ST6GALNAC3: variants seen among roughly 807,000 people sequenced by gnomAD.
ST6GALNAC3 encodes alpha-N-acetylgalactosaminide alpha-2,6-sialyltransferase 3.
Under a neutral mutation model 32.7 loss-of-function variants are expected in ST6GALNAC3, and 25 were observed. That is an observed-to-expected ratio of 0.76 (90% CI 0.56 to 1.07). The LOEUF (loss-of-function observed/expected upper bound fraction) is 1.07, where lower values mean the gene tolerates loss of function less well. ST6GALNAC3 is among the 50% of genes least tolerant of loss of function. The probability of loss-of-function intolerance (pLI) is 0.00; values close to 1 mark genes in which losing one functional copy is unlikely to be tolerated. For synonymous variants in ST6GALNAC3, 129 were observed against 133.1 expected (o/e 0.97, Z 0.21); for missense variants, 355 against 382.4 (o/e 0.93, Z 0.60).
Position 76,467,114 on chromosome 1 carries a change from C to A in ST6GALNAC3, c.623+54697C>A, listed in dbSNP as rs1005388160. ...CTAATTTACAAAAAAAGAAAAGAAA[C>A]CAAATAAATGAACAAAAGAGAGAGA... On this transcript the variant is annotated intron_variant, in intron 3 of 4. Transcript: ENST00000328299. 3.3e-5 allele frequency among the ~76,000 whole-genome samples: 5 copies of A among 152,032 alleles called. No individual in the cohort carries two copies. The East Asian group carries it at 5.8e-4, about 18-fold the overall frequency.
intron 3 of ST6GALNAC3, among the ~76,000 whole-genome samples, chr1:76,474,998 G>A (rs1227974377): frequency 6.6e-6 from 1 of 152,100 alleles, no homozygotes; most frequent in Non-Finnish European, 1.5e-5. Flanking sequence ...AAATCACAAT[G>A]GAAGGATAAG....
At chr1:76,532,150 T>C (rs1315357097) in intron 3 of ST6GALNAC3, among the ~76,000 whole-genome samples, 1 of 152,186 alleles carries the variant, frequency 6.6e-6, no homozygotes, top group Admixed American at 6.5e-5. Context: ...GTTGGTGCTC[T>C]GGTGAGAAAC....
intron 3 of ST6GALNAC3, among the ~76,000 whole-genome samples, chr1:76,469,711 A>G (rs7547235): frequency 0.17 from 26,495 of 152,018 alleles, 2,477 homozygotes; most frequent in African/African-American, 0.23. Flanking sequence ...AGAGCAGCCA[A>G]AGTCTTGGCA....
At chr1:76,355,240 C>G (rs767169656) in intron 2 of ST6GALNAC3, among the ~76,000 whole-genome samples, 2 of 152,010 alleles carry the variant, frequency 1.3e-5, no homozygotes, top group Non-Finnish European at 2.9e-5. Flanking sequence ...AATGAGCAGT[C>G]TTTTAAAGAA....
At chr1:76,394,880 T>A (rs1189292031) in intron 2 of ST6GALNAC3, among the ~76,000 whole-genome samples, 1 of 152,176 alleles carries the variant, frequency 6.6e-6, no homozygotes, top group Admixed American at 6.5e-5. Flanking sequence ...AGGACAAGAT[T>A]CCAAGGCTCA....
At chr1:76,185,835 T>C (rs963714891) in intron 1 of ST6GALNAC3, among the ~76,000 whole-genome samples, 4 of 152,354 alleles carry the variant, frequency 2.6e-5, no homozygotes, top group East Asian at 3.9e-4. Flanking sequence ...AATATATGTC[T>C]GTACTGAATA....
intron 1 of ST6GALNAC3, among the ~76,000 whole-genome samples, chr1:76,294,961 G>A (rs1660307653): frequency 6.6e-6 from 1 of 152,098 alleles, no homozygotes; most frequent in African/African-American, 2.4e-5. Context: ...GTTAACAGCT[G>A]AGCAGGGTAG....
intron 1 of ST6GALNAC3, among the ~76,000 whole-genome samples, chr1:76,221,533 C>A (rs768496383): frequency 2.0e-5 from 3 of 152,126 alleles, no homozygotes; most frequent in African/African-American, 4.8e-5. Flanking sequence ...TTCATAGCTC[C>A]CCTTCCCCAG....
At chr1:76,489,728 G>C (rs990598839) in intron 3 of ST6GALNAC3, among the ~76,000 whole-genome samples, 8 of 152,130 alleles carry the variant, frequency 5.3e-5, no homozygotes, top group African/African-American at 1.7e-4. Flanking sequence ...CCCTCTCCAT[G>C]CTGACCTCTT....
At chr1:76,477,669 C>G (rs1254894509) in intron 3 of ST6GALNAC3, among the ~76,000 whole-genome samples, 3 of 152,176 alleles carry the variant, frequency 2.0e-5, no homozygotes, top group African/African-American at 7.2e-5. Context: ...CTGCCTCTCC[C>G]TGCATTCTTG....
intron 1 of ST6GALNAC3, among the ~76,000 whole-genome samples, chr1:76,173,803 T>G (rs1440404700): frequency 2.6e-5 from 4 of 152,104 alleles, no homozygotes; most frequent in Admixed American, 6.5e-5. Flanking sequence ...CTCATGCCAG[T>G]CAGAATGGCT....
chr1:76,538,125 A>C (rs748245541), intron 3 of ST6GALNAC3, among the ~76,000 whole-genome samples: 1 of 152,188 alleles, frequency 6.6e-6, no homozygotes, highest in Non-Finnish European at 1.5e-5. Context: ...CCTCAATAAA[A>C]TACTGGCAAA....
At chr1:76,236,365 A>T (rs760145798) in intron 1 of ST6GALNAC3, among the ~76,000 whole-genome samples, 1 of 152,208 alleles carries the variant, frequency 6.6e-6, no homozygotes, top group Non-Finnish European at 1.5e-5. Flanking sequence ...ATACAATTCA[A>T]CCCATGACAC....
chr1:76,321,803 C>A (rs1646972719), intron 2 of ST6GALNAC3, among the ~76,000 whole-genome samples: 1 of 152,226 alleles, frequency 6.6e-6, no homozygotes, highest in African/African-American at 2.4e-5. Context: ...CTGGACAAGA[C>A]TGACTACTAC....
intron 3 of ST6GALNAC3, among the ~76,000 whole-genome samples, chr1:76,469,708 C>T (rs954572855): frequency 6.6e-6 from 1 of 152,026 alleles, no homozygotes; most frequent in Non-Finnish European, 1.5e-5. Context: ...TTCAGAGCAG[C>T]CAAAGTCTTG....
rs546353839 is a variant in ST6GALNAC3 at position 76,337,647 on chromosome 1, C to A, written c.213+23648C>A. Among the ~76,000 whole-genome samples, 4 of 152,218 alleles carry A rather than the reference C, an allele frequency of 2.6e-5. No individual in the cohort carries two copies. In the South Asian group the frequency reaches 8.3e-4, roughly 32 times the overall value. On this transcript the variant is annotated intron_variant, in intron 2 of 4. Transcript: ENST00000328299. ...GAAATGGGGAATCCCCTGGCCCAGT[C>A]CAGACCTATGGAATCAAGATCTGCA...
At chr1:76,205,470 A>G (rs1654769201) in intron 1 of ST6GALNAC3, among the ~76,000 whole-genome samples, 1 of 152,058 alleles carries the variant, frequency 6.6e-6, no homozygotes, top group African/African-American at 2.4e-5. Flanking sequence ...TTGGGGCCAA[A>G]AGGCTGGTGG....
At chr1:76,193,544 G>A (rs1031969060) in intron 1 of ST6GALNAC3, among the ~76,000 whole-genome samples, 1 of 152,096 alleles carries the variant, frequency 6.6e-6, no homozygotes, top group Non-Finnish European at 1.5e-5. Context: ...TGAGTCCCAT[G>A]ATGGCAAAAG....
At chr1:76,494,649 G>GCGCGCGCACA (rs142496688) in intron 3 of ST6GALNAC3, among the ~76,000 whole-genome samples, 1 of 67,702 alleles carries the variant, frequency 1.5e-5, no homozygotes, top group African/African-American at 6.5e-5. Context: ...ATGTGTATGC[G>GCGCGCGCACA]CACACACACA....
Sources: allele counts gnomAD v4.1 joint callset (sites outside exome capture counted in the v4.1 genomes callset), GRCh38; gene constraint gnomAD v4.1.1; transcripts MANE v1.5; gene names NCBI Gene and HGNC (gene_info 2026-07-23, HGNC 2026-07-21).